The following CADM2 variants were observed in gnomAD, a reference collection of about 807,000 sequenced individuals.
CADM2 encodes immunoglobulin superfamily member 4D.
CADM2 carries 12 observed loss-of-function variants against 49.8 expected under a neutral mutation model. The observed-to-expected ratio is 0.24, with a 90% confidence interval of 0.15 to 0.39. The LOEUF (loss-of-function observed/expected upper bound fraction) is 0.39. CADM2 is among the 10% of genes least tolerant of loss of function. CADM2 has a pLI of 1.00. For missense variants in CADM2, 378 were observed against 492.3 expected (o/e 0.77, Z 2.20); for synonymous variants, 214 against 175.4 (o/e 1.22, Z -1.74).
intron 1 of CADM2, among the ~76,000 whole-genome samples, chr3:85,709,313 T>G (rs2067043155): frequency 6.6e-6 from 1 of 152,180 alleles, no homozygotes; most frequent in African/African-American, 2.4e-5. Context: ...TCTTGGCATT[T>G]AAGCAGGCTA....
chr3:85,485,692 T>A (rs1410435716), intron 1 of CADM2, among the ~76,000 whole-genome samples: 1 of 152,078 alleles, frequency 6.6e-6, no homozygotes, highest in Non-Finnish European at 1.5e-5. Flanking sequence ...AAGTAACTAT[T>A]TATTGCATTG....
At chr3:85,197,954 A>T (rs1387728512) in intron 1 of CADM2, among the ~76,000 whole-genome samples, 4 of 151,866 alleles carry the variant, frequency 2.6e-5, no homozygotes, top group Non-Finnish European at 5.9e-5. Context: ...TTTGCTGATC[A>T]CAAAGGTTTT....
At chr3:85,084,128 T>A (rs2037282079) in intron 1 of CADM2, among the ~76,000 whole-genome samples, 1 of 152,168 alleles carries the variant, frequency 6.6e-6, no homozygotes, top group Non-Finnish European at 1.5e-5. Flanking sequence ...GCTGATATGC[T>A]TTCTGACTTC....
intron 1 of CADM2, among the ~76,000 whole-genome samples, chr3:85,689,290 T>A (rs1233799103): frequency 1.3e-5 from 2 of 152,168 alleles, no homozygotes; most frequent in African/African-American, 4.8e-5. Flanking sequence ...TGTAACAAAT[T>A]TAAAGTCTGT....
intron 1 of CADM2, among the ~76,000 whole-genome samples, chr3:85,011,063 AC>A (rs1462748011): frequency 6.6e-6 from 1 of 151,274 alleles, no homozygotes; most frequent in Non-Finnish European, 1.5e-5. Flanking sequence ...ACGGGGTTTC[AC>A]CGTGTTAGCC....
chr3:85,610,600 A>G (rs2063657447), intron 1 of CADM2, among the ~76,000 whole-genome samples: 1 of 151,990 alleles, frequency 6.6e-6, no homozygotes, highest in Non-Finnish European at 1.5e-5. Context: ...TAATAATATT[A>G]CAGAATCATC....
chr3:85,239,012 T>G (rs1010611752), intron 1 of CADM2, among the ~76,000 whole-genome samples: 2 of 151,826 alleles, frequency 1.3e-5, no homozygotes, highest in African/African-American at 4.8e-5. Flanking sequence ...TATATGCTTT[T>G]TTATTAGTGT....
At chr3:85,192,869 G>T (rs2041242127) in intron 1 of CADM2, among the ~76,000 whole-genome samples, 1 of 151,946 alleles carries the variant, frequency 6.6e-6, no homozygotes, top group South Asian at 2.1e-4. Flanking sequence ...TTTGACCAAG[G>T]TGATCAAGAC....
intron 1 of CADM2, among the ~76,000 whole-genome samples, chr3:85,377,769 A>C (rs1247539005): frequency 6.6e-6 from 1 of 152,092 alleles, no homozygotes; most frequent in Admixed American, 6.6e-5. Context: ...GAAATAAAGC[A>C]AGACAATTAC....
intron 2 of CADM2, among the ~76,000 whole-genome samples, chr3:85,786,269 A>G (rs1306058248): frequency 5.3e-5 from 8 of 152,116 alleles, no homozygotes; most frequent in Non-Finnish European, 1.2e-4. Context: ...CCAAAAAAGG[A>G]TACAAAAAAA....
At chr3:85,076,926 T>C (rs2107489295) in intron 1 of CADM2, among the ~76,000 whole-genome samples, 1 of 152,092 alleles carries the variant, frequency 6.6e-6, no homozygotes, top group East Asian at 1.9e-4. Flanking sequence ...GAGACAAGAT[T>C]GTGCCACTGC....
intron 3 of CADM2, among the ~76,000 whole-genome samples, chr3:85,803,737 T>A (rs2072220806): frequency 2.0e-5 from 3 of 152,194 alleles, no homozygotes; most frequent in South Asian, 4.2e-4. Context: ...TTCCACTGAT[T>A]GAGTGTCTCC....
At chr3:85,535,411 A>G (rs1231897727) in intron 1 of CADM2, among the ~76,000 whole-genome samples, 5 of 152,154 alleles carry the variant, frequency 3.3e-5, no homozygotes, top group African/African-American at 1.2e-4. Context: ...AAAATTGTCC[A>G]TCTAAAATAA....
intron 8 of CADM2, among the ~76,000 whole-genome samples, chr3:86,009,639 C>G (rs768612161): frequency 2.0e-5 from 3 of 151,776 alleles, no homozygotes; most frequent in Non-Finnish European, 4.4e-5. Flanking sequence ...ACTGATACTT[C>G]TTTCTCAAAA....
intron 1 of CADM2, among the ~76,000 whole-genome samples, chr3:85,676,993 T>G (rs1433616084): frequency 6.6e-6 from 1 of 152,170 alleles, no homozygotes; most frequent in Non-Finnish European, 1.5e-5. Flanking sequence ...CTTACAGGTG[T>G]TATCTGCACA....
intron 1 of CADM2, among the ~76,000 whole-genome samples, chr3:85,451,469 T>C (rs1475898131): frequency 6.6e-6 from 1 of 152,090 alleles, no homozygotes; most frequent in Non-Finnish European, 1.5e-5. Context: ...CCGGAAGTAA[T>C]AGTACTGCAG....
intron 1 of CADM2, among the ~76,000 whole-genome samples, chr3:85,557,503 T>C (rs1025930719): frequency 7.4e-4 from 113 of 151,724 alleles, no homozygotes; most frequent in African/African-American, 2.6e-3. Flanking sequence ...AAACCAAAGA[T>C]AATATGTATT....
Position 86,066,940 on chromosome 3 carries a change from G to GAA in CADM2, c.*159_*160dup, listed in dbSNP as rs1314516430. The GAA allele has an allele frequency of 1.6e-6, 1 of 632,828 alleles. No individual in the cohort carries two copies. The highest frequency in any genetic ancestry group is 1.8e-5 in the African/African-American group (1 of 54,380). 39.2% of individuals were successfully genotyped at this position (632,828 alleles called of 1,614,324 possible). A position where few individuals can be genotyped will look rare whatever the true frequency, so the allele number is the denominator to read the frequency against. On this transcript the variant is annotated 3_prime_UTR_variant, in exon 10 of 10. Transcript: ENST00000383699. ...CAGTGTATACCAACAATCAGCTGTTGAAAGCATCATTCTTTAATTACTGTA... is the reference window on the plus strand; with the variant it reads ...CAGTGTATACCAACAATCAGCTGTTGAAAAAGCATCATTCTTTAATTACTGTA...
chr3:85,862,748 C>A (rs1164856657), intron 3 of CADM2, among the ~76,000 whole-genome samples: 1 of 151,772 alleles, frequency 6.6e-6, no homozygotes, highest in African/African-American at 2.4e-5. Flanking sequence ...GTTTAGTAAC[C>A]CAGGTAAGGT....
Sources: gnomAD v4.1 joint callset for allele counts (sites outside exome capture counted in the v4.1 genomes callset) on GRCh38, gnomAD v4.1.1 for gene constraint, MANE v1.5 for transcripts, NCBI Gene and HGNC (gene_info 2026-07-23, HGNC 2026-07-21) for gene names.